ACACA: variants seen among roughly 807,000 people sequenced by gnomAD.
ACACA encodes acetyl-CoA carboxylase alpha, also known as acetyl-CoA carboxylase 1.
In ACACA, 103 loss-of-function variants were observed where a neutral mutation model predicts 296.1. The ratio of observed to expected loss-of-function variants is 0.35; its 90% CI spans 0.30 to 0.41. The LOEUF is 0.41. Ranked by LOEUF, ACACA falls within the 10% of genes least tolerant of loss-of-function variation. The probability of loss-of-function intolerance (pLI) is 1.00; values close to 1 mark genes in which losing one functional copy is unlikely to be tolerated. For missense variants in ACACA, 1,554 were observed against 2,989.7 expected, an observed-to-expected ratio of 0.52 and a Z score of 11.20; for synonymous variants, 953 against 1,038.6, an observed-to-expected ratio of 0.92 and a Z score of 1.58.
At position 37,330,340 on chromosome 17, in the gene ACACA, T is replaced by C; in HGVS notation, c.171A>G (p.Ile57Met). ...AGTTATCTTCAGACACAGAACCTAT[T>C]ATGAATCGAGAGTGCTGGTTCAGCT... ...PLELNQHSRF[I>M]IGSVSEDNSE... The change falls in exon 3 of 56, where the codon ATA (isoleucine) becomes ATG (methionine). Residue 57 changes from isoleucine to methionine, a missense_variant. By Grantham distance (10) the Ile-to-Met change is conservative (BLOSUM62 1). Transcript: ENST00000616317. 6.2e-7 allele frequency: 1 copy of C among 1,614,178 alleles called. No homozygotes were observed. The highest frequency in any genetic ancestry group is 8.5e-7 in the Non-Finnish European group (1 of 1,180,042).
Position 37,086,063 on chromosome 17 carries a change from A to T in ACACA, c.*1253T>A, listed in dbSNP as rs140469577. The T allele has an allele frequency of 1.1e-5, 4 of 367,100 alleles. No homozygotes were observed. Among genetic ancestry groups the T allele is most frequent in the Non-Finnish European group, 1.5e-5 (3 of 206,862 alleles). The allele number at this position is 367,100 out of a possible 1,614,324, so 22.7% of individuals were successfully genotyped here. ...CCCCTGATGCCAGTCAGGAGGGGCC[A>T]GTAAGCCTGGAGGACAGCAGCACCA... is the stretch of plus-strand genomic sequence containing the variant. On this transcript the variant is annotated 3_prime_UTR_variant, in exon 56 of 56. Coordinates refer to ENST00000616317, the MANE Select transcript of ACACA (RefSeq NM_198834.3).
intron 1 of ACACA, among the ~76,000 whole-genome samples, chr17:37,342,680 C>T (rs1282658294): frequency 6.6e-6 from 1 of 151,230 alleles, no homozygotes; most frequent in Non-Finnish European, 1.5e-5. Context: ...AGTGGTGGCT[C>T]ATGCCTGTAA....
intron 1 of ACACA, among the ~76,000 whole-genome samples, chr17:37,348,492 T>C (rs1031207804): frequency 2.6e-5 from 4 of 152,038 alleles, no homozygotes; most frequent in Non-Finnish European, 5.9e-5. Flanking sequence ...TTATCAGAAA[T>C]AACAACAGAA....
At chr17:37,197,756 C>T (rs1239218898) in intron 35 of ACACA, among the ~76,000 whole-genome samples, 1 of 152,128 alleles carries the variant, frequency 6.6e-6, no homozygotes, top group Non-Finnish European at 1.5e-5. Flanking sequence ...TTAATAGTTG[C>T]CCTTGCACCT....
chr17:37,339,305 G>C (rs915795518), intron 2 of ACACA, among the ~76,000 whole-genome samples: 1 of 152,150 alleles, frequency 6.6e-6, no homozygotes, highest in African/African-American at 2.4e-5. Flanking sequence ...TTGACTCCAT[G>C]GGAGAAGAAA....
intron 45 of ACACA, among the ~76,000 whole-genome samples, chr17:37,148,364 C>T (rs2144058562): frequency 6.6e-6 from 1 of 152,244 alleles, no homozygotes; most frequent in South Asian, 2.1e-4. Context: ...CCAAGTTCGC[C>T]ACTGTTAGCA....
At chr17:37,260,661 T>C (rs897087902) in intron 11 of ACACA, among the ~76,000 whole-genome samples, 7 of 152,254 alleles carry the variant, frequency 4.6e-5, no homozygotes, top group African/African-American at 1.7e-4. Flanking sequence ...TTTTCCTTCT[T>C]ATTCATTGGA....
chr17:37,258,324 T>C lies in ACACA; in HGVS notation c.1550A>G (p.Tyr517Cys), dbSNP rs1223473751. Residue 517 changes from tyrosine to cysteine, a missense_variant, in exon 13 of 56, where the codon TAT becomes TGT. Tyr to Cys is a radical substitution (Grantham distance 194). Around this residue, in one of 16 missense-constraint regions of ACACA, gnomAD observed 37 missense variants for 49.9 expected, o/e 0.74. Coordinates refer to ENST00000616317, the MANE Select transcript of ACACA (RefSeq NM_198834.3). ...LYRIKDIRMMYGVSPWGDSPI... is the reference protein window; with the variant it reads ...LYRIKDIRMMCGVSPWGDSPI... The stretch of plus-strand genomic sequence containing the variant: ...AGAATCACCCCAGGGAGATACCCCA[T>C]ACATCATACGGATATCCTTGATTCT... 2 of 1,614,108 alleles carry C rather than the reference T, an allele frequency of 1.2e-6. No individual in the cohort carries two copies. The highest frequency in any genetic ancestry group is 1.7e-6 in the Non-Finnish European group (2 of 1,179,952).
At chr17:37,262,457 G>C (rs1184669645) in intron 11 of ACACA, among the ~76,000 whole-genome samples, 1 of 152,098 alleles carries the variant, frequency 6.6e-6, no homozygotes, top group East Asian at 1.9e-4. Context: ...AGCAAAGTTT[G>C]GCAAACTTTT....
chr17:37,305,907 T>A (rs939733435), intron 3 of ACACA, among the ~76,000 whole-genome samples: 8 of 116,380 alleles, frequency 6.9e-5, no homozygotes, highest in Non-Finnish European at 1.1e-4. Context: ...TTTTTTTGTT[T>A]TTTTTTTTTT....
intron 3 of ACACA, among the ~76,000 whole-genome samples, chr17:37,290,682 C>T (rs2083006226): frequency 6.6e-6 from 1 of 152,164 alleles, no homozygotes; most frequent in African/African-American, 2.4e-5. Flanking sequence ...GTTAATTATT[C>T]ACTGTATATC....
At chr17:37,226,484 G>C (rs762268846) in intron 25 of ACACA, 32 bp from the exon 26 acceptor site, 2 of 1,549,816 alleles carry the variant, frequency 1.3e-6, no homozygotes, top group Non-Finnish European at 1.8e-6. Context: ...AACATAGATA[G>C]TCATATTAAA....
chr17:37,238,194 C>G (rs1481939663), intron 24 of ACACA, among the ~76,000 whole-genome samples: 2 of 152,232 alleles, frequency 1.3e-5, no homozygotes, highest in Admixed American at 1.3e-4. Context: ...AACCATTTAA[C>G]AGCTTCACCT....
chr17:37,235,295 G>A (rs1045159073), intron 24 of ACACA, among the ~76,000 whole-genome samples, 196 bp from the exon 25 acceptor site: 10 of 152,006 alleles, frequency 6.6e-5, no homozygotes, highest in Admixed American at 1.3e-4. Flanking sequence ...CAGGCAATTT[G>A]GATATAAGAT....
intron 3 of ACACA, among the ~76,000 whole-genome samples, chr17:37,315,902 G>A (rs1029260615): frequency 1.3e-5 from 2 of 152,130 alleles, no homozygotes; most frequent in Non-Finnish European, 2.9e-5. Flanking sequence ...TCAGCCCCTT[G>A]CCCCTCCCTG....
At chr17:37,281,123 C>A (rs1026178520) in intron 5 of ACACA, among the ~76,000 whole-genome samples, 1 of 150,220 alleles carries the variant, frequency 6.7e-6, no homozygotes, top group Non-Finnish European at 1.5e-5. Context: ...TGCAGTGGCA[C>A]GATCTCAGCT....
At position 37,200,419 on chromosome 17, in the gene ACACA, G is replaced by A. The variant is rs2078195266; in HGVS notation, c.4113+8C>T. ...AATATTAAAGAGGTACAATTCACAT[G>A]TCAGTACCTTTTGTGCAACCAGGAA... On this transcript the variant is annotated splice_region_variant and intron_variant, in intron 34 of 55. Coordinates refer to ENST00000616317, the MANE Select transcript of ACACA (RefSeq NM_198834.3). The A allele has an allele frequency of 1.2e-5, 20 of 1,604,848 alleles. No homozygotes were observed. Among genetic ancestry groups the A allele is most frequent in the Non-Finnish European group, 1.7e-5 (20 of 1,171,678 alleles).
At chr17:37,167,942 T>C (rs2076746860) in intron 41 of ACACA, among the ~76,000 whole-genome samples, 1 of 152,146 alleles carries the variant, frequency 6.6e-6, no homozygotes, top group Admixed American at 6.5e-5. Context: ...TATAAGATGA[T>C]GACTATGAAG....
In ACACA at chr17:37,244,604, G is replaced by A; in HGVS notation, c.2726C>T (p.Pro909Leu). The A allele has an allele frequency of 6.2e-7, 1 of 1,614,140 alleles. No individual in the cohort carries two copies. The highest frequency in any genetic ancestry group is 8.5e-7 in the Non-Finnish European group (1 of 1,180,008). ...GATACATACCTTGCTGCTAAAGAAA[G>A]GATCTGGAAGGCAGTATCCATTCAT... Reference protein sequence around the residue: ...NVMNGYCLPDPFFSSKVKDWV... With the variant: ...NVMNGYCLPDLFFSSKVKDWV... The change falls in exon 21 of 56, where the codon CCT (proline) becomes CTT (leucine). Residue 909 changes from proline (P) to leucine (L), a missense_variant. Pro to Leu is a moderately conservative substitution (Grantham distance 98, BLOSUM62 -3). Coordinates refer to ENST00000616317, the MANE Select transcript of ACACA (RefSeq NM_198834.3).
Sources: allele counts gnomAD v4.1 joint callset (sites outside exome capture counted in the v4.1 genomes callset), GRCh38; gene constraint gnomAD v4.1.1; regional missense constraint gnomAD v4.1.1; transcripts MANE v1.5; gene names NCBI Gene and HGNC (gene_info 2026-07-23, HGNC 2026-07-21).